ABCA8: variants seen among roughly 807,000 people sequenced by gnomAD.
ABCA8 encodes ATP binding cassette subfamily A member 8, also known as ABC-type organic anion transporter ABCA8.
A neutral mutation model predicts 192.3 loss-of-function variants in ABCA8; 177 were observed. The ratio of observed to expected loss-of-function variants is 0.92; its 90% CI spans 0.81 to 1.04. The LOEUF (loss-of-function observed/expected upper bound fraction) is 1.04, where lower values mean the gene tolerates loss of function less well. ABCA8 is among the 50% of genes least tolerant of loss of function. ABCA8 has a pLI of 0.00. For synonymous variants in ABCA8, 642 were observed against 690.2 expected (o/e 0.93, Z 1.09); for missense variants, 1,915 against 1,904.8 (o/e 1.01, Z -0.10).
At chr17:68,915,605 T>C (rs528365596) in intron 17 of ABCA8, among the ~76,000 whole-genome samples, 3 of 152,126 alleles carry the variant, frequency 2.0e-5, no homozygotes, top group African/African-American at 7.2e-5. Flanking sequence ...GAATGGCTTT[T>C]ATCCAAAAGA....
intron 21 of ABCA8, among the ~76,000 whole-genome samples, chr17:68,896,640 G>A (rs1326935881): frequency 6.6e-6 from 1 of 152,076 alleles, no homozygotes; most frequent in Non-Finnish European, 1.5e-5. Flanking sequence ...CGACTGTCAA[G>A]ACATCACAGT....
chr17:68,940,112 T>C (rs138954009), intron 4 of ABCA8, among the ~76,000 whole-genome samples: 4 of 152,210 alleles, frequency 2.6e-5, no homozygotes, highest in African/African-American at 7.2e-5. Context: ...GTTGTAAAAA[T>C]GATTGTTATA....
chr17:68,877,366 T>C, intron 33 of ABCA8, 153 bp downstream of exon 33: 1 of 628,470 alleles, frequency 1.6e-6, no homozygotes, highest in Non-Finnish European at 2.6e-6. Context: ...AATACTTTGA[T>C]ATCCAGGAAA....
At chr17:68,942,444 GAGTTGCTAT>G (rs2068258843) in intron 2 of ABCA8, among the ~76,000 whole-genome samples, 1 of 152,216 alleles carries the variant, frequency 6.6e-6, no homozygotes, top group African/African-American at 2.4e-5. Context: ...TTCATTTGCT[GAGTTGCTAT>G]AGAATGTATT....
Position 68,937,012 on chromosome 17 carries a change from ATATGAGTATG to A in ABCA8, c.395_404del (p.Thr132IlefsTer3), listed in dbSNP as rs772092926. The A allele has an allele frequency of 6.2e-7, 1 of 1,610,672 alleles. No homozygotes were observed. The highest frequency in any genetic ancestry group is 1.1e-5 in the South Asian group (1 of 90,554). On this transcript the variant is annotated frameshift_variant, in exon 5 of 40. Coordinates refer to ENST00000586539, the MANE Select transcript of ABCA8 (RefSeq NM_001288985.2). LOFTEE classifies it high-confidence loss of function. ...CATGTCCTAGCAAGAACTTCAAATGATATGAGTATGTATTAGTAAAGGTGACTCTTACTAT... is the reference window on the plus strand; with the variant it reads ...CATGTCCTAGCAAGAACTTCAAATGATATTAGTAAAGGTGACTCTTACTAT...
intron 4 of ABCA8, among the ~76,000 whole-genome samples, 166 bp downstream of exon 4, chr17:68,940,592 C>G (rs906523426): frequency 6.6e-6 from 1 of 152,140 alleles, no homozygotes; most frequent in African/African-American, 2.4e-5. Flanking sequence ...AACTTAGATA[C>G]TGAGTGGTGA....
At chr17:68,891,446 T>C (rs2066618628) in intron 24 of ABCA8, 43 bp downstream of exon 24, 1 of 1,412,676 alleles carries the variant, frequency 7.1e-7, no homozygotes, top group Non-Finnish European at 9.9e-7. Context: ...CCTTCTGCTT[T>C]CAATTATGCA....
chr17:68,870,338 G>A (rs766946166), intron 37 of ABCA8, among the ~76,000 whole-genome samples: 27 of 152,208 alleles, frequency 1.8e-4, no homozygotes, highest in Middle Eastern at 3.4e-3. Context: ...AATCCCAACC[G>A]GCCCCATCTT....
intron 32 of ABCA8, chr17:68,880,707 G>T (rs1008695061): frequency 1.1e-5 from 2 of 186,460 alleles, no homozygotes; most frequent in Non-Finnish European, 2.2e-5. Flanking sequence ...CAACCAGCAT[G>T]CCTGGCTGTG....
chr17:68,944,359 T>TATATATATATACATAC (rs765731645), intron 2 of ABCA8, among the ~76,000 whole-genome samples: 9 of 69,470 alleles, frequency 1.3e-4, no homozygotes, highest in African/African-American at 4.9e-4. Flanking sequence ...TATATATATA[T>TATATATATATACATAC]ACACATATAC....
chr17:68,907,697 C>T, intron 18 of ABCA8, 43 bp downstream of exon 18: 3 of 1,490,888 alleles, frequency 2.0e-6, no homozygotes, highest in Non-Finnish European at 1.8e-6. Flanking sequence ...ATGATGATGA[C>T]TATTATTCAC....
At chr17:68,938,974 T>C (rs1164852852) in intron 4 of ABCA8, among the ~76,000 whole-genome samples, 1 of 152,176 alleles carries the variant, frequency 6.6e-6, no homozygotes, top group Non-Finnish European at 1.5e-5. Flanking sequence ...TTATAACAAC[T>C]AAATATTTAT....
intron 3 of ABCA8, among the ~76,000 whole-genome samples, 173 bp from the exon 4 acceptor site, chr17:68,941,135 C>T (rs1287696996): frequency 6.6e-6 from 1 of 152,056 alleles, no homozygotes; most frequent in Non-Finnish European, 1.5e-5. Flanking sequence ...AGTTCCAAGG[C>T]ATTGCTAGCT....
At chr17:68,882,771 C>T in intron 29 of ABCA8, 52 bp from the exon 30 acceptor site, 1 of 1,565,740 alleles carries the variant, frequency 6.4e-7, no homozygotes, top group African/African-American at 1.4e-5. Flanking sequence ...ATCTTTGTAT[C>T]AAAAGTTGCA....
chr17:68,941,501 C>T (rs569251683), intron 3 of ABCA8, among the ~76,000 whole-genome samples: 14 of 152,208 alleles, frequency 9.2e-5, no homozygotes, highest in African/African-American at 3.4e-4. Flanking sequence ...GAATTTAATA[C>T]AATTCCAACT....
intron 4 of ABCA8, among the ~76,000 whole-genome samples, chr17:68,939,634 C>A (rs137933595): frequency 3.3e-5 from 5 of 152,122 alleles, no homozygotes; most frequent in African/African-American, 9.6e-5. Context: ...GTGAATGAAG[C>A]CAGCACACAA....
intron 16 of ABCA8, 104 bp downstream of exon 16, chr17:68,917,943 C>G: frequency 7.3e-7 from 1 of 1,375,930 alleles, no homozygotes; most frequent in South Asian, 1.5e-5. Context: ...TTACCAGATA[C>G]AGCTAGATTA....
chr17:68,879,979 G>T (rs943077839), intron 32 of ABCA8: 1 of 152,212 alleles, frequency 6.6e-6, no homozygotes, highest in African/African-American at 2.4e-5. Context: ...ATAGAAAGGG[G>T]TGGTTCTCTG....
chr17:68,913,017 AT>A lies in ABCA8; in HGVS notation c.2138+4343del, dbSNP rs577756009. ...ATGCTAGCCACAAAACAAGACTTAA[AT>A]TTTTTTTTCAAATTGAAATTATACC... is the stretch of plus-strand genomic sequence containing the variant. On this transcript the variant is annotated intron_variant, in intron 17 of 39. Coordinates refer to ENST00000586539, the MANE Select transcript of ABCA8 (RefSeq NM_001288985.2). Among the ~76,000 whole-genome samples the A allele has an allele frequency of 2.9e-3, 447 of 151,880 alleles. 2 individuals carry two copies. The highest frequency in any genetic ancestry group is 0.01 in the African/African-American group (433 of 41,442).
Sources: allele counts gnomAD v4.1 joint callset (sites outside exome capture counted in the v4.1 genomes callset), GRCh38; gene constraint gnomAD v4.1.1; transcripts MANE v1.5; gene names NCBI Gene and HGNC (gene_info 2026-07-23, HGNC 2026-07-21).